SSH2: variants seen among roughly 807,000 people sequenced by gnomAD.
SSH2 encodes slingshot protein phosphatase 2.
A neutral mutation model predicts 135.2 loss-of-function variants in SSH2; 37 were observed. The ratio of observed to expected loss-of-function variants is 0.27; its 90% CI spans 0.21 to 0.36. The LOEUF (loss-of-function observed/expected upper bound fraction) is 0.36, where lower values mean the gene tolerates loss of function less well. Among genes scored for constraint, SSH2 ranks in the 10% least tolerant of loss-of-function variants. The pLI, the probability that SSH2 is intolerant of heterozygous loss-of-function variation, is 1.00. For synonymous variants in SSH2, 628 were observed against 646.2 expected (o/e 0.97, Z 0.43); for missense variants, 1,408 against 1,765.3 (o/e 0.80, Z 3.63).
chr17:29,739,626 C>A (rs978282039), intron 3 of SSH2, among the ~76,000 whole-genome samples: 9 of 152,170 alleles, frequency 5.9e-5, no homozygotes, highest in Non-Finnish European at 1.0e-4. Flanking sequence ...AAAGTGTTAG[C>A]CCTAATAATA....
In SSH2 at chr17:29,636,569, A is replaced by T. The variant is rs79274735; in HGVS notation, c.1661T>A (p.Met554Lys). Residue 554 changes from methionine (M) to lysine (K), a missense_variant, in exon 15 of 16, where the codon ATG becomes AAG. Physicochemically the swap from Met to Lys is moderately conservative, Grantham distance 95 (BLOSUM62 -1). Transcript: ENST00000540801. Reference protein sequence around the residue: ...NQKGLCTKERMICLEFTSREF... With the variant: ...NQKGLCTKERKICLEFTSREF... ...CCTAGAAGTAAACTCCAAGCAGATC[A>T]TTCTTTCTTTGGTACACAGGCCTTT... 1.2e-6 allele frequency: 2 copies of T among 1,614,222 alleles called. No homozygotes were observed. The highest frequency in any genetic ancestry group is 2.7e-5 in the African/African-American group (2 of 75,062).
Position 29,913,347 on chromosome 17 carries a change from A to AAAAAAAAAAAAAAAAATTATAT in SSH2, c.63+16590_63+16591insATATAATTTTTTTTTTTTTTTT. Among the ~76,000 whole-genome samples the AAAAAAAAAAAAAAAAATTATAT allele has an allele frequency of 6.9e-5, 2 of 28,786 alleles. 1 individual carries two copies. 18.9% of individuals were successfully genotyped at this position (28,786 alleles called of 152,430 possible). A position where few individuals can be genotyped will look rare whatever the true frequency, so the allele number is the denominator to read the frequency against. On this transcript the variant is annotated intron_variant, in intron 1 of 15. Transcript: ENST00000540801. ...AAAAAAAAAAAAAAAAAAAAAAAAAAATATATATATATATATATATATATA... is the reference window on the plus strand; with the variant it reads ...AAAAAAAAAAAAAAAAAAAAAAAAAAAAAAAAAAAAAAAAAATTATATATATATATATATATATATATATATA...
At position 29,909,861 on chromosome 17, in the gene SSH2, T is replaced by C. The variant is rs565549108; in HGVS notation, c.63+20077A>G. Among the ~76,000 whole-genome samples the C allele has an allele frequency of 5.9e-5, 9 of 152,376 alleles. No homozygotes were observed. The South Asian group carries it at 1.9e-3, about 32-fold the overall frequency. ...ACAAGTGATAAGGTACAAGTACGACTTTATTTTCAGTAAAGTCAGCACCTG... is the reference window on the plus strand; with the variant it reads ...ACAAGTGATAAGGTACAAGTACGACCTTATTTTCAGTAAAGTCAGCACCTG... On this transcript the variant is annotated intron_variant, in intron 1 of 15. Coordinates refer to ENST00000540801, the MANE Select transcript of SSH2 (RefSeq NM_001282129.2).
chr17:29,929,893 C>T (rs889984391), intron 1 of SSH2, 45 bp downstream of exon 1: 1 of 1,531,944 alleles, frequency 6.5e-7, no homozygotes, highest in Non-Finnish European at 8.8e-7. Flanking sequence ...CAAAGCGGAG[C>T]CGCAGTGACA....
chr17:29,635,619 A>G (rs931452542), intron 15 of SSH2, among the ~76,000 whole-genome samples: 4 of 151,870 alleles, frequency 2.6e-5, no homozygotes, highest in Non-Finnish European at 5.9e-5. Context: ...CGTGTTAGCC[A>G]GGATGGTTTC....
At chr17:29,635,607 A>T (rs1482741147) in intron 15 of SSH2, among the ~76,000 whole-genome samples, 1 of 151,712 alleles carries the variant, frequency 6.6e-6, no homozygotes, top group Admixed American at 6.6e-5. Context: ...ACGGGGTTTC[A>T]CCGTGTTAGC....
intron 1 of SSH2, among the ~76,000 whole-genome samples, chr17:29,913,347 A>AATTAT (rs1555543500): frequency 0.011 from 304 of 28,798 alleles, 38 homozygotes; most frequent in Non-Finnish European, 0.016. Flanking sequence ...AAAAAAAAAA[A>AATTAT]ATATATATAT....
rs566580600 is a variant in SSH2, at chr17:29,723,210, C to T, written c.189-20148G>A. ...GGGTGAGATGCAAATGGCCCCAAACCTCCCTTCATTTTCCAATTCCAAATA... is the reference window on the plus strand; with the variant it reads ...GGGTGAGATGCAAATGGCCCCAAACTTCCCTTCATTTTCCAATTCCAAATA... On this transcript the variant is annotated intron_variant, in intron 3 of 15. Coordinates refer to ENST00000540801, the MANE Select transcript of SSH2 (RefSeq NM_001282129.2). Among the ~76,000 whole-genome samples the T allele has an allele frequency of 7.9e-5, 12 of 152,238 alleles. No homozygotes were observed. In the South Asian group the frequency reaches 1.2e-3, roughly 16 times the overall value.
intron 2 of SSH2, among the ~76,000 whole-genome samples, chr17:29,803,166 T>C (rs2042280635): frequency 1.3e-5 from 2 of 152,242 alleles, no homozygotes; most frequent in African/African-American, 4.8e-5. Flanking sequence ...GGGTTATCTA[T>C]TGCTTTATAA....
At chr17:29,738,744 C>T (rs939679448) in intron 3 of SSH2, among the ~76,000 whole-genome samples, 5 of 151,460 alleles carry the variant, frequency 3.3e-5, no homozygotes, top group East Asian at 1.9e-4. Context: ...TTAGTAGAGA[C>T]GGGGTTTCAC....
At chr17:29,828,292 T>A (rs1316292794) in intron 2 of SSH2, among the ~76,000 whole-genome samples, 1 of 152,220 alleles carries the variant, frequency 6.6e-6, no homozygotes, top group Non-Finnish European at 1.5e-5. Flanking sequence ...CCTGCTCTTT[T>A]ATCTTCTTAA....
intron 1 of SSH2, among the ~76,000 whole-genome samples, chr17:29,899,800 C>T (rs966295828): frequency 6.6e-6 from 1 of 152,086 alleles, no homozygotes; most frequent in Non-Finnish European, 1.5e-5. Flanking sequence ...TCATGTGGAA[C>T]CAAAAAAGAG....
At chr17:29,664,514 G>T (rs117481334) in intron 11 of SSH2, among the ~76,000 whole-genome samples, 2,203 of 151,844 alleles carry the variant, frequency 0.015, 34 homozygotes, top group South Asian at 0.048. Context: ...ATTATTTTTA[G>T]ACAGGCTCTC....
intron 3 of SSH2, among the ~76,000 whole-genome samples, chr17:29,730,428 T>A (rs1042156145): frequency 1.3e-5 from 2 of 149,198 alleles, no homozygotes; most frequent in African/African-American, 4.9e-5. Flanking sequence ...CTGATGTGAT[T>A]TGACTTTTTC....
At chr17:29,754,704 T>C (rs2041058916) in intron 3 of SSH2, among the ~76,000 whole-genome samples, 1 of 152,180 alleles carries the variant, frequency 6.6e-6, no homozygotes, top group Non-Finnish European at 1.5e-5. Context: ...TTTTGCTCTG[T>C]TGCCCAGGCT....
intron 12 of SSH2, 64 bp from the exon 13 acceptor site, chr17:29,650,864 G>T: frequency 7.4e-7 from 1 of 1,351,472 alleles, no homozygotes; most frequent in Non-Finnish European, 9.8e-7. Context: ...TCCCAGCACT[G>T]TTTTTTCTTA....
chr17:29,729,624 T>G (rs1333223167), intron 3 of SSH2, among the ~76,000 whole-genome samples: 2 of 152,222 alleles, frequency 1.3e-5, no homozygotes, highest in Non-Finnish European at 2.9e-5. Context: ...AGCCAAGATT[T>G]GCAAGTAACC....
At chr17:29,863,929 A>G (rs1430750508) in intron 1 of SSH2, 2 of 152,148 alleles carry the variant, frequency 1.3e-5, no homozygotes, top group Non-Finnish European at 2.9e-5. Context: ...TGAGTGTACA[A>G]AAGCAACTGA....
chr17:29,688,557 CGGG>C (rs954307989), intron 5 of SSH2, among the ~76,000 whole-genome samples: 4 of 152,020 alleles, frequency 2.6e-5, no homozygotes, highest in Non-Finnish European at 5.9e-5. Context: ...CTCTGCCTCC[CGGG>C]GTCCAGCAAT....
Sources: gnomAD v4.1 joint callset for allele counts (sites outside exome capture counted in the v4.1 genomes callset) on GRCh38, gnomAD v4.1.1 for gene constraint, MANE v1.5 for transcripts, NCBI Gene and HGNC (gene_info 2026-07-23, HGNC 2026-07-21) for gene names.